PAK1: variants seen among roughly 807,000 people sequenced by gnomAD.
PAK1 encodes the protein p21 (RAC1) activated kinase 1.
In PAK1, 29 loss-of-function variants were observed where a neutral mutation model predicts 67.4. The ratio of observed to expected loss-of-function variants is 0.43; its 90% CI spans 0.32 to 0.59. The LOEUF is 0.59. Among genes scored for constraint, PAK1 ranks in the 20% least tolerant of loss-of-function variants. The pLI, the probability that PAK1 is intolerant of heterozygous loss-of-function variation, is 0.07. For missense variants in PAK1, 337 were observed against 670.7 expected (o/e 0.50, Z 5.50); for synonymous variants, 223 against 237.4 (o/e 0.94, Z 0.56).
intron 11 of PAK1, 50 bp downstream of exon 11, chr11:77,340,596 G>A (rs767864262): frequency 1.1e-6 from 1 of 906,906 alleles, no homozygotes; most frequent in Non-Finnish European, 1.9e-6. Flanking sequence ...TCAGGAGACA[G>A]GAATATGGAG....
the PAK1 span, among the ~76,000 whole-genome samples, chr11:77,490,204 C>T: frequency 5.3e-5 from 8 of 149,850 alleles, no homozygotes; most frequent in Non-Finnish European, 8.9e-5. Context: ...AATGAGGAGC[C>T]CCTCCGCCCA....
At chr11:77,485,846 G>A in the PAK1 span, among the ~76,000 whole-genome samples, 9 of 152,228 alleles carry the variant, frequency 5.9e-5, no homozygotes, top group South Asian at 4.1e-4. Context: ...CTGATTCTTC[G>A]GTTGCAACTA....
chr11:77,356,191 T>C (rs1431848141), intron 6 of PAK1: 1 of 175,740 alleles, frequency 5.7e-6, no homozygotes, highest in African/African-American at 2.4e-5. Flanking sequence ...ATATCCTGTA[T>C]TCCCCAAGCT....
chr11:77,518,147 T>C, the PAK1 span, among the ~76,000 whole-genome samples: 1 of 152,220 alleles, frequency 6.6e-6, no homozygotes, highest in African/African-American at 2.4e-5. Flanking sequence ...AAATTCAATC[T>C]AGTCTAAATT....
At chr11:77,390,225 G>A (rs575080026) in intron 2 of PAK1, among the ~76,000 whole-genome samples, 75 of 152,296 alleles carry the variant, frequency 4.9e-4, no homozygotes, top group African/African-American at 1.7e-3. Flanking sequence ...GTGAGATGGA[G>A]TTTAGCTCTT....
the PAK1 span, among the ~76,000 whole-genome samples, chr11:77,511,340 T>C: frequency 6.6e-6 from 1 of 152,350 alleles, no homozygotes; most frequent in African/African-American, 2.4e-5. Flanking sequence ...TCATTTGTTA[T>C]GGTGAGTCTG....
intron 1 of PAK1, among the ~76,000 whole-genome samples, chr11:77,460,057 TGAATGA>T (rs1957263611): frequency 6.6e-6 from 1 of 151,206 alleles, no homozygotes; most frequent in African/African-American, 2.4e-5. Flanking sequence ...ATTTGTTTAC[TGAATGA>T]GAAGGAGAAG....
At chr11:77,375,692 A>G (rs930614926) in intron 4 of PAK1, among the ~76,000 whole-genome samples, 5 of 152,192 alleles carry the variant, frequency 3.3e-5, no homozygotes, top group African/African-American at 1.2e-4. Flanking sequence ...GAGAGACCCA[A>G]TGGAGATCTT....
At chr11:77,412,519 C>T (rs1395843014) in intron 1 of PAK1, among the ~76,000 whole-genome samples, 3 of 152,114 alleles carry the variant, frequency 2.0e-5, no homozygotes, top group African/African-American at 7.2e-5. Flanking sequence ...CCTTGACCTT[C>T]CTGGGCTCAA....
chr11:77,433,439 T>C (rs930159105), intron 1 of PAK1, among the ~76,000 whole-genome samples: 1 of 152,190 alleles, frequency 6.6e-6, no homozygotes, highest in African/African-American at 2.4e-5. Flanking sequence ...AAACATATAT[T>C]TGATAGGAGA....
chr11:77,328,999 T>C (rs944377191), intron 14 of PAK1, among the ~76,000 whole-genome samples: 7 of 152,148 alleles, frequency 4.6e-5, no homozygotes, highest in African/African-American at 1.7e-4. Context: ...GAGAATACTA[T>C]AAACACCTCT....
intron 8 of PAK1, among the ~76,000 whole-genome samples, chr11:77,351,840 TTTTTAA>T (rs748841996): frequency 3.9e-5 from 6 of 152,142 alleles, no homozygotes; most frequent in Non-Finnish European, 7.4e-5. Flanking sequence ...TTTCAGTTTC[TTTTTAA>T]TTTTATCTCT....
chr11:77,470,608 A>C (rs1957806512), intron 1 of PAK1, among the ~76,000 whole-genome samples: 1 of 152,232 alleles, frequency 6.6e-6, no homozygotes, highest in African/African-American at 2.4e-5. Context: ...AGTGAAAGAA[A>C]CAAAGCATTT....
intron 1 of PAK1, among the ~76,000 whole-genome samples, chr11:77,423,347 CAG>C (rs1200275072): frequency 2.2e-5 from 3 of 138,798 alleles, no homozygotes; most frequent in African/African-American, 5.5e-5. Context: ...AAAAAAAAAA[CAG>C]AATAAGAATA....
chr11:77,349,461 G>T, intron 8 of PAK1, 174 bp from the exon 9 acceptor site: 1 of 622,428 alleles, frequency 1.6e-6, no homozygotes, highest in Non-Finnish European at 2.9e-6. Flanking sequence ...AGGTAGTACA[G>T]AGAATGTAGG....
the PAK1 span, among the ~76,000 whole-genome samples, chr11:77,490,172 C>CT: frequency 6.6e-6 from 1 of 151,682 alleles, no homozygotes; most frequent in African/African-American, 2.4e-5. Flanking sequence ...GACCCTCCGC[C>CT]TGGCAACCGC....
At chr11:77,415,673 T>C (rs1954906738) in intron 1 of PAK1, among the ~76,000 whole-genome samples, 1 of 152,034 alleles carries the variant, frequency 6.6e-6, no homozygotes, top group Admixed American at 6.5e-5. Context: ...CTTGCAGGAC[T>C]GGAAGTTTCT....
chr11:77,376,206 T>C (rs1949064576), intron 4 of PAK1, among the ~76,000 whole-genome samples: 1 of 152,150 alleles, frequency 6.6e-6, no homozygotes. Context: ...TAAAAATAAG[T>C]AAACACTCCC....
chr11:77,501,694 G>A, the PAK1 span, among the ~76,000 whole-genome samples: 1 of 152,186 alleles, frequency 6.6e-6, no homozygotes, highest in East Asian at 1.9e-4. Flanking sequence ...TGCTCCTGGT[G>A]TCTTTGCCAC....
Sources: gnomAD v4.1 joint callset for allele counts (sites outside exome capture counted in the v4.1 genomes callset) on GRCh38, gnomAD v4.1.1 for gene constraint, MANE v1.5 for transcripts, NCBI Gene and HGNC (gene_info 2026-07-23, HGNC 2026-07-21) for gene names.